IL1RL2: variants seen among roughly 807,000 people sequenced by gnomAD.
The protein encoded by IL1RL2 is interleukin-1 receptor-like 2.
IL1RL2 carries 68 observed loss-of-function variants against 66.8 expected under a neutral mutation model. The ratio of observed to expected loss-of-function variants is 1.02; its 90% CI spans 0.84 to 1.25. The LOEUF (loss-of-function observed/expected upper bound fraction) is 1.25. IL1RL2 is among the 50% of genes most tolerant of loss of function. The pLI is 0.00. For synonymous variants in IL1RL2, 305 were observed against 264.6 expected (o/e 1.15, Z -1.48); for missense variants, 729 against 709.3 (o/e 1.03, Z -0.32).
chr2:102,219,831 G>A (rs752360941), intron 7 of IL1RL2, 50 bp from the exon 8 acceptor site: 1 of 1,501,416 alleles, frequency 6.7e-7, no homozygotes, highest in South Asian at 1.2e-5. Flanking sequence ...TATAAAATAT[G>A]TTGGGTAAAT....
intron 8 of IL1RL2, among the ~76,000 whole-genome samples, chr2:102,223,171 G>T (rs1268415160): frequency 6.6e-6 from 1 of 152,086 alleles, no homozygotes; most frequent in African/African-American, 2.4e-5. Context: ...AGAGTATTTT[G>T]GTTCTGTTGA....
At chr2:102,218,893 TA>T in intron 6 of IL1RL2, 59 bp from the exon 7 acceptor site, 1 of 1,478,828 alleles carries the variant, frequency 6.8e-7, no homozygotes, top group Non-Finnish European at 9.4e-7. Flanking sequence ...ATCCAGATGT[TA>T]ACAAATTTGA....
At chr2:102,237,179 C>T (rs1674958221) in intron 11 of IL1RL2, among the ~76,000 whole-genome samples, 1 of 152,198 alleles carries the variant, frequency 6.6e-6, no homozygotes, top group Non-Finnish European at 1.5e-5. Context: ...CTGCCTCCAT[C>T]CTGCAGAGGG....
At chr2:102,204,594 T>G (rs556719281) in intron 5 of IL1RL2, among the ~76,000 whole-genome samples, 2 of 152,244 alleles carry the variant, frequency 1.3e-5, no homozygotes, top group South Asian at 4.1e-4. Context: ...CTTGCTGAAT[T>G]GACCTTTTTA....
intron 9 of IL1RL2, among the ~76,000 whole-genome samples, chr2:102,230,310 T>G (rs1258755076): frequency 6.6e-6 from 1 of 152,202 alleles, no homozygotes; most frequent in African/African-American, 2.4e-5. Flanking sequence ...GTCAAATGTG[T>G]GCTATGAAAT....
intron 11 of IL1RL2, among the ~76,000 whole-genome samples, chr2:102,238,781 A>G (rs6752467): frequency 0.82 from 124,136 of 152,034 alleles, 50,982 homozygotes; most frequent in East Asian, 0.97. Context: ...TCCAGTAGTA[A>G]TATTATTCTG....
chr2:102,188,317 G>T (rs553979660), intron 2 of IL1RL2, among the ~76,000 whole-genome samples: 2 of 152,290 alleles, frequency 1.3e-5, no homozygotes, highest in East Asian at 1.9e-4. Flanking sequence ...GGGCGCAGTG[G>T]CTCATGCCTG....
At chr2:102,195,617 CT>C (rs1374089317) in intron 4 of IL1RL2, among the ~76,000 whole-genome samples, 1 of 17,140 alleles carries the variant, frequency 5.8e-5, no homozygotes, top group African/African-American at 1.4e-4. Context: ...TTCTTTCTTT[CT>C]TTCTTTCTTT....
chr2:102,235,045 G>A lies in IL1RL2; in HGVS notation c.1446G>A (p.Lys482=), dbSNP rs368736566. The A allele has an allele frequency of 1.9e-6, 3 of 1,614,066 alleles. No individual in the cohort carries two copies. The African/African-American group carries it at 4.0e-5, about 22-fold the overall frequency. ...VYSALIQDGM[K]VILIELEKIE... ...GTGCCCTGATCCAGGACGGGATGAA[G>A]GTTATTCTCATTGAGCTGGAGAAAA... Residue 482 remains lysine (K), a synonymous_variant, in exon 11 of 12, where the codon AAG becomes AAA. Transcript: ENST00000264257.
In IL1RL2 at chr2:102,239,975, A is replaced by C. The variant is rs893362868; in HGVS notation, c.*734A>C. On this transcript the variant is annotated 3_prime_UTR_variant, in exon 12 of 12. Transcript: ENST00000264257. ...AAAAATATCAGTAATTTGTGAAATA[A>C]ATTTTATTCTCATTTGAGCAACATA... 3 of 152,242 alleles carry C rather than the reference A, an allele frequency of 2.0e-5. No individual in the cohort carries two copies. Among genetic ancestry groups the C allele is most frequent in the Non-Finnish European group, 4.4e-5 (3 of 68,040 alleles). 9.4% of individuals were successfully genotyped at this position (152,242 alleles called of 1,614,324 possible).
intron 8 of IL1RL2, among the ~76,000 whole-genome samples, chr2:102,225,364 T>C (rs1268190433): frequency 6.6e-6 from 1 of 152,258 alleles, no homozygotes; most frequent in Non-Finnish European, 1.5e-5. Flanking sequence ...TCTTGGCCTG[T>C]CTTGTGGAGC....
At chr2:102,217,416 A>C (rs949935765) in intron 6 of IL1RL2, among the ~76,000 whole-genome samples, 47 of 152,316 alleles carry the variant, frequency 3.1e-4, no homozygotes, top group African/African-American at 1.1e-3. Flanking sequence ...AACAGTCCTA[A>C]AATTTGTATA....
chr2:102,213,215 G>GT (rs781671114), intron 6 of IL1RL2, among the ~76,000 whole-genome samples: 11 of 152,170 alleles, frequency 7.2e-5, no homozygotes, highest in African/African-American at 2.4e-4. Context: ...TACTAGGAAA[G>GT]TAAGAGTCTA....
chr2:102,189,367 G>A, intron 3 of IL1RL2, 57 bp downstream of exon 3: 3 of 1,067,800 alleles, frequency 2.8e-6, no homozygotes, highest in East Asian at 2.6e-5. Flanking sequence ...AATTATTTTA[G>A]GAAAATTCTT....
chr2:102,189,410 G>C (rs1287567049), intron 3 of IL1RL2, 100 bp downstream of exon 3: 2 of 696,898 alleles, frequency 2.9e-6, no homozygotes, highest in Non-Finnish European at 4.7e-6. Flanking sequence ...GAAGAATTAT[G>C]TTGTTGTATG....
intron 8 of IL1RL2, among the ~76,000 whole-genome samples, chr2:102,222,970 T>C (rs1009897623): frequency 1.3e-5 from 2 of 152,222 alleles, no homozygotes; most frequent in African/African-American, 4.8e-5. Context: ...TACTGACTTG[T>C]TGAACTTTTT....
chr2:102,200,133 A>AC (rs1371024837), intron 4 of IL1RL2, among the ~76,000 whole-genome samples: 1 of 150,674 alleles, frequency 6.6e-6, no homozygotes, highest in Admixed American at 6.6e-5. Context: ...AAAAAAAAAA[A>AC]AAAAAAGTGC....
intron 8 of IL1RL2, among the ~76,000 whole-genome samples, chr2:102,223,029 G>C (rs1389448048): frequency 6.6e-6 from 1 of 152,222 alleles, no homozygotes; most frequent in East Asian, 1.9e-4. Context: ...AAGCTCAGAG[G>C]AGCTAATGCT....
intron 4 of IL1RL2, among the ~76,000 whole-genome samples, chr2:102,196,409 G>T (rs540926761): frequency 1.3e-5 from 2 of 152,230 alleles, no homozygotes; most frequent in South Asian, 4.1e-4. Flanking sequence ...ACTACCATGT[G>T]CTCAGACCTG....
Sources: allele counts gnomAD v4.1 joint callset (sites outside exome capture counted in the v4.1 genomes callset), GRCh38; gene constraint gnomAD v4.1.1; transcripts MANE v1.5; gene names NCBI Gene and HGNC (gene_info 2026-07-23, HGNC 2026-07-21).